The following MYO5B variants were observed in gnomAD, a reference collection of about 807,000 sequenced individuals.
MYO5B encodes the protein myosin VB.
In MYO5B, 143 loss-of-function variants were observed where a neutral mutation model predicts 229.3. That is an observed-to-expected ratio of 0.62 (90% confidence interval 0.54 to 0.72). The LOEUF is 0.72. Ranked by LOEUF, MYO5B falls within the 30% of genes least tolerant of loss-of-function variation. The probability of loss-of-function intolerance (pLI) is 0.00; values close to 1 mark genes in which losing one functional copy is unlikely to be tolerated. For missense variants in MYO5B, 2,321 were observed against 2,331.0 expected (o/e 1.00, Z 0.09); for synonymous variants, 918 against 885.2 (o/e 1.04, Z -0.66).
chr18:50,052,939 G>T (rs1170592552), intron 2 of MYO5B, among the ~76,000 whole-genome samples: 2 of 152,156 alleles, frequency 1.3e-5, no homozygotes, highest in African/African-American at 4.8e-5. Flanking sequence ...TTAATCCTTT[G>T]CTGATGCAGT....
chr18:50,152,864 T>TAAAAA (rs67858852), intron 1 of MYO5B, among the ~76,000 whole-genome samples: 17 of 125,378 alleles, frequency 1.4e-4, no homozygotes, highest in East Asian at 4.6e-4. Flanking sequence ...TTCTCAAAAC[T>TAAAAA]AAAAAAAAAA....
chr18:50,176,386 A>AT (rs1344660094), intron 1 of MYO5B, among the ~76,000 whole-genome samples: 1 of 151,940 alleles, frequency 6.6e-6, no homozygotes, highest in Non-Finnish European at 1.5e-5. Context: ...AACTGAAGTT[A>AT]TTTTTTCTCA....
At chr18:50,056,670 C>T (rs2030558421) in intron 1 of MYO5B, among the ~76,000 whole-genome samples, 1 of 152,062 alleles carries the variant, frequency 6.6e-6, no homozygotes, top group Admixed American at 6.5e-5. Flanking sequence ...GCCAGTCTGT[C>T]ACCTGTGCAC....
intron 1 of MYO5B, among the ~76,000 whole-genome samples, chr18:50,069,078 G>A (rs576911090): frequency 6.6e-6 from 1 of 152,174 alleles, no homozygotes; most frequent in South Asian, 2.1e-4. Context: ...CTCCCAGGAG[G>A]ATCAGTGCCT....
chr18:49,905,152 C>T lies in MYO5B; in HGVS notation c.2415-324G>A, dbSNP rs553629863. Among the ~76,000 whole-genome samples the T allele has an allele frequency of 3.3e-5, 5 of 152,318 alleles. No homozygotes were observed. The South Asian group carries it at 8.3e-4, about 25-fold the overall frequency. On this transcript the variant is annotated intron_variant, in intron 19 of 39. Coordinates refer to ENST00000285039, the MANE Select transcript of MYO5B (RefSeq NM_001080467.3). ...ACTGTGCCTGGGCAGTCCTCAACTA[C>T]TTCACCAGTAGCATTCTACATCATG...
chr18:50,097,188 C>T (rs1440124619), intron 1 of MYO5B: 1 of 455,234 alleles, frequency 2.2e-6, no homozygotes, highest in South Asian at 1.6e-5. Context: ...TCCTCCCATC[C>T]CCATTCCCCA....
intron 22 of MYO5B, among the ~76,000 whole-genome samples, chr18:49,891,470 C>T (rs1046198210): frequency 1.3e-4 from 20 of 152,138 alleles, no homozygotes; most frequent in African/African-American, 4.8e-4. Context: ...TTTCAAACAC[C>T]ATTCACCTTT....
chr18:50,057,140 C>T (rs1426939930), intron 1 of MYO5B, among the ~76,000 whole-genome samples: 1 of 152,224 alleles, frequency 6.6e-6, no homozygotes, highest in South Asian at 2.1e-4. Flanking sequence ...ATTTGCTGAT[C>T]TTAACTGTCA....
chr18:50,040,057 G>A (rs754610942), intron 3 of MYO5B, 86 bp downstream of exon 3: 1 of 1,395,130 alleles, frequency 7.2e-7, no homozygotes, highest in Non-Finnish European at 1.0e-6. Flanking sequence ...AGAGTGAAAT[G>A]AGGACTCCTA....
At chr18:49,939,854 T>C (rs543043334) in intron 14 of MYO5B, among the ~76,000 whole-genome samples, 2 of 152,326 alleles carry the variant, frequency 1.3e-5, no homozygotes, top group South Asian at 4.1e-4. Flanking sequence ...AACAATTAAA[T>C]ACATAAGATA....
chr18:49,988,534 G>T (rs1244966514), intron 7 of MYO5B, among the ~76,000 whole-genome samples: 1 of 152,178 alleles, frequency 6.6e-6, no homozygotes, highest in Non-Finnish European at 1.5e-5. Context: ...AACTGAAAAA[G>T]AAATTTAGGA....
At chr18:50,141,716 C>CTT (rs2032420960) in intron 1 of MYO5B, among the ~76,000 whole-genome samples, 1 of 152,222 alleles carries the variant, frequency 6.6e-6, no homozygotes. Flanking sequence ...GGCAAGACCC[C>CTT]TTTGTGGGCA....
intron 21 of MYO5B, among the ~76,000 whole-genome samples, chr18:49,900,627 T>A (rs942186080): frequency 3.3e-5 from 5 of 152,192 alleles, no homozygotes; most frequent in Admixed American, 3.3e-4. Flanking sequence ...TGAGAAGCTT[T>A]AAAAATGCCC....
chr18:49,996,817 T>C (rs192437172), intron 5 of MYO5B, among the ~76,000 whole-genome samples: 1 of 152,322 alleles, frequency 6.6e-6, no homozygotes, highest in African/African-American at 2.4e-5. Flanking sequence ...TCTATAAATA[T>C]AGTGTGGACA....
intron 28 of MYO5B, 74 bp downstream of exon 28, chr18:49,864,067 A>C: frequency 6.3e-7 from 1 of 1,585,166 alleles, no homozygotes; most frequent in Non-Finnish European, 8.5e-7. Flanking sequence ...GTGGGTAAAG[A>C]TAATTAAAAA....
At chr18:50,099,456 C>T (rs1049323050) in intron 1 of MYO5B, among the ~76,000 whole-genome samples, 5 of 152,142 alleles carry the variant, frequency 3.3e-5, no homozygotes, top group African/African-American at 1.2e-4. Context: ...ACAGGAGGAA[C>T]AGAAGTCTAA....
intron 23 of MYO5B, among the ~76,000 whole-genome samples, chr18:49,879,715 A>G (rs1478397984): frequency 6.6e-6 from 1 of 152,204 alleles, no homozygotes; most frequent in African/African-American, 2.4e-5. Flanking sequence ...TCAAAATCAC[A>G]GTGAGTTGAA....
intron 31 of MYO5B, chr18:49,849,961 C>T (rs1397415479): frequency 7.0e-6 from 3 of 426,634 alleles, no homozygotes; most frequent in African/African-American, 6.1e-5. Context: ...CTCCGGTTGC[C>T]ATGCCAACCC....
rs564197569 is a variant in MYO5B, at chr18:50,045,674, C to T, written c.139-5360G>A. 2.1e-4 allele frequency among the ~76,000 whole-genome samples: 32 copies of T among 152,298 alleles called. No homozygotes were observed. In the South Asian group the frequency reaches 3.9e-3, roughly 19 times the overall value. On this transcript the variant is annotated intron_variant, in intron 2 of 39. Coordinates refer to ENST00000285039, the MANE Select transcript of MYO5B (RefSeq NM_001080467.3). ...AAAGTGTGAGATTACAGGTGTGAGC[C>T]GCCACGATCCTGGCCTCCAAGAGTT...
Sources: gnomAD v4.1 joint callset for allele counts (sites outside exome capture counted in the v4.1 genomes callset) on GRCh38, gnomAD v4.1.1 for gene constraint, MANE v1.5 for transcripts, NCBI Gene and HGNC (gene_info 2026-07-23, HGNC 2026-07-21) for gene names.